FHIT: variants seen among roughly 807,000 people sequenced by gnomAD.
FHIT encodes bis(5'-adenosyl)-triphosphatase.
Under a neutral mutation model 17.9 loss-of-function variants are expected in FHIT, and 19 were observed. The observed-to-expected ratio is 1.06, with a 90% CI of 0.74 to 1.56. The LOEUF (loss-of-function observed/expected upper bound fraction) is 1.56. Ranked by LOEUF, FHIT falls within the 40% of genes most tolerant of loss-of-function variation. The pLI is 0.00. For missense variants in FHIT, 248 were observed against 189.2 expected (o/e 1.31, Z -1.82); for synonymous variants, 81 against 69.7 (o/e 1.16, Z -0.81).
intron 8 of FHIT, among the ~76,000 whole-genome samples, chr3:59,831,935 T>C (rs1701178406): frequency 1.3e-5 from 2 of 152,172 alleles, no homozygotes; most frequent in Non-Finnish European, 2.9e-5. Flanking sequence ...GTGTGTGTAT[T>C]GCAGCCATAG....
intron 3 of FHIT, among the ~76,000 whole-genome samples, chr3:60,894,430 T>C (rs1553761439): frequency 6.6e-6 from 1 of 152,174 alleles, no homozygotes; most frequent in Admixed American, 6.5e-5. Flanking sequence ...ACATAAATTC[T>C]GTCACCCCTT....
chr3:60,436,437 G>C (rs180700814), intron 5 of FHIT, among the ~76,000 whole-genome samples: 41 of 152,216 alleles, frequency 2.7e-4, no homozygotes, highest in Middle Eastern at 3.4e-3. Context: ...AGTATATGCA[G>C]TGTGCCCATC....
chr3:60,605,603 G>C (rs1450602111), intron 4 of FHIT, among the ~76,000 whole-genome samples: 1 of 152,180 alleles, frequency 6.6e-6, no homozygotes, highest in Non-Finnish European at 1.5e-5. Context: ...TCCTTGGTCT[G>C]TGTGCTGCAG....
At chr3:60,861,210 TGATATATATGATATATATGATATATC>T (rs1703831281) in intron 3 of FHIT, among the ~76,000 whole-genome samples, 1 of 49,730 alleles carries the variant, frequency 2.0e-5, no homozygotes, top group Non-Finnish European at 4.6e-5. Flanking sequence ...ATGATATATA[TGATATATATGATATATATGATATATC>T]ATATCATATA....
intron 5 of FHIT, among the ~76,000 whole-genome samples, chr3:60,411,503 C>T (rs1398757746): frequency 6.6e-6 from 1 of 152,152 alleles, no homozygotes; most frequent in Non-Finnish European, 1.5e-5. Context: ...AGGGTTCATA[C>T]AGCCACAGCT....
At chr3:60,081,008 A>C (rs1297092448) in intron 5 of FHIT, among the ~76,000 whole-genome samples, 1 of 152,250 alleles carries the variant, frequency 6.6e-6, no homozygotes, top group East Asian at 1.9e-4. Context: ...ATCTCTATCA[A>C]GGTACATGAC....
intron 5 of FHIT, among the ~76,000 whole-genome samples, chr3:60,090,045 T>A (rs1307480001): frequency 6.6e-6 from 1 of 152,176 alleles, no homozygotes; most frequent in Non-Finnish European, 1.5e-5. Flanking sequence ...GAATTCTTAA[T>A]TCCTAATACA....
intron 5 of FHIT, among the ~76,000 whole-genome samples, chr3:60,083,119 C>G (rs191432887): frequency 6.6e-6 from 1 of 152,046 alleles, no homozygotes; most frequent in African/African-American, 2.4e-5. Context: ...AATATTTAGT[C>G]AATTTTGAGG....
At chr3:60,701,981 C>T (rs2041258307) in intron 4 of FHIT, among the ~76,000 whole-genome samples, 1 of 152,162 alleles carries the variant, frequency 6.6e-6, no homozygotes, top group Non-Finnish European at 1.5e-5. Context: ...TCATAATTTT[C>T]TCAGTTATAA....
intron 8 of FHIT, among the ~76,000 whole-genome samples, chr3:59,799,946 G>C (rs769469795): frequency 1.3e-5 from 2 of 152,172 alleles, no homozygotes; most frequent in African/African-American, 2.4e-5. Context: ...GGAACAAAGA[G>C]AGACATAATA....
At chr3:60,217,716 C>T (rs1334440149) in intron 5 of FHIT, among the ~76,000 whole-genome samples, 3 of 152,174 alleles carry the variant, frequency 2.0e-5, no homozygotes, top group African/African-American at 7.2e-5. Context: ...GGCCTTCCCT[C>T]CATTATCCAA....
At chr3:59,842,450 A>G (rs1300534631) in intron 8 of FHIT, among the ~76,000 whole-genome samples, 1 of 152,124 alleles carries the variant, frequency 6.6e-6, no homozygotes, top group East Asian at 1.9e-4. Flanking sequence ...GGATTGCTGG[A>G]TCATATGGTA....
chr3:60,170,283 G>A (rs113607914), intron 5 of FHIT, among the ~76,000 whole-genome samples: 176 of 152,242 alleles, frequency 1.2e-3, no homozygotes, highest in African/African-American at 4.1e-3. Flanking sequence ...GAGAACAAAG[G>A]AATCACAGAA....
intron 5 of FHIT, among the ~76,000 whole-genome samples, chr3:60,064,192 G>A (rs533225332): frequency 6.7e-4 from 102 of 152,180 alleles, no homozygotes; most frequent in African/African-American, 2.4e-3. Flanking sequence ...TGGCTAATTT[G>A]ATTTAAATCA....
chr3:60,378,623 C>G (rs779571024), intron 5 of FHIT, among the ~76,000 whole-genome samples: 1 of 152,148 alleles, frequency 6.6e-6, no homozygotes, highest in Non-Finnish European at 1.5e-5. Flanking sequence ...TACAGAACAA[C>G]CTACACAGAT....
intron 8 of FHIT, among the ~76,000 whole-genome samples, chr3:59,889,969 T>G (rs1163331529): frequency 3.3e-5 from 5 of 152,236 alleles, no homozygotes; most frequent in Non-Finnish European, 5.9e-5. Flanking sequence ...CTCTTTCATG[T>G]GAAAACTTTC....
chr3:61,079,685 C>T (rs2035076017), intron 2 of FHIT, among the ~76,000 whole-genome samples: 1 of 152,186 alleles, frequency 6.6e-6, no homozygotes, highest in African/African-American at 2.4e-5. Context: ...CACACACACA[C>T]ATACACATGC....
At chr3:59,945,584 A>G (rs1706761346) in intron 7 of FHIT, among the ~76,000 whole-genome samples, 1 of 151,176 alleles carries the variant, frequency 6.6e-6, no homozygotes, top group Non-Finnish European at 1.5e-5. Context: ...CTTTGTCATG[A>G]AATATTTTCC....
At position 61,123,532 on chromosome 3, in the gene FHIT, C is replaced by G. The variant is rs550228204; in HGVS notation, c.-164+77085G>C. Among the ~76,000 whole-genome samples, 12 of 145,310 alleles carry G rather than the reference C, an allele frequency of 8.3e-5. No homozygotes were observed. The East Asian group carries it at 2.0e-3, about 24-fold the overall frequency. On this transcript the variant is annotated intron_variant, in intron 2 of 9. Transcript: ENST00000492590. Reference sequence around the variant, plus strand: ...AAAGGAGAAGAACAAAAAAAGGTGGCATTTTTTCAAAAATTGTATTAAGTG... The same window carrying G: ...AAAGGAGAAGAACAAAAAAAGGTGGGATTTTTTCAAAAATTGTATTAAGTG...
Sources: allele counts gnomAD v4.1 joint callset (sites outside exome capture counted in the v4.1 genomes callset), GRCh38; gene constraint gnomAD v4.1.1; transcripts MANE v1.5; gene names NCBI Gene and HGNC (gene_info 2026-07-23, HGNC 2026-07-21).